TRIM9: variants seen among roughly 807,000 people sequenced by gnomAD.
The protein encoded by TRIM9 is E3 ubiquitin-protein ligase TRIM9.
TRIM9 carries 26 observed loss-of-function variants against 78.3 expected under a neutral mutation model. The ratio of observed to expected loss-of-function variants is 0.33; its 90% CI spans 0.24 to 0.46. The LOEUF is 0.46. Ranked by LOEUF, TRIM9 falls within the 20% of genes least tolerant of loss-of-function variation. The probability of loss-of-function intolerance (pLI) is 1.00; values close to 1 mark genes in which losing one functional copy is unlikely to be tolerated. For missense variants in TRIM9, 787 were observed against 1,036.4 expected (o/e 0.76, Z 3.30); for synonymous variants, 398 against 416.5 (o/e 0.96, Z 0.54).
At chr14:51,061,839 T>C (rs531120427) in intron 1 of TRIM9, among the ~76,000 whole-genome samples, 25 of 152,062 alleles carry the variant, frequency 1.6e-4, no homozygotes, top group Non-Finnish European at 1.0e-4. Flanking sequence ...ACTCTTCATC[T>C]TTGGAAAATT....
chr14:51,002,778 C>T (rs11851076), intron 5 of TRIM9, among the ~76,000 whole-genome samples: 10,500 of 152,242 alleles, frequency 0.069, 551 homozygotes, highest in East Asian at 0.15. Flanking sequence ...GGTCAATTGT[C>T]GTATACTTAA....
chr14:51,089,796 G>A (rs1328755251), intron 1 of TRIM9, among the ~76,000 whole-genome samples: 1 of 152,154 alleles, frequency 6.6e-6, no homozygotes, highest in Non-Finnish European at 1.5e-5. Flanking sequence ...GCTCTGAAAA[G>A]GATCCAGAAA....
chr14:51,055,190 T>C (rs531803696), intron 1 of TRIM9, among the ~76,000 whole-genome samples: 2 of 152,366 alleles, frequency 1.3e-5, no homozygotes, highest in South Asian at 4.1e-4. Flanking sequence ...TCATTAAATC[T>C]AAAAGCCATC....
At chr14:51,000,144 C>T (rs5003887) in intron 6 of TRIM9, among the ~76,000 whole-genome samples, 4,418 of 152,206 alleles carry the variant, frequency 0.029, 234 homozygotes, top group African/African-American at 0.1. Flanking sequence ...AAGAGGAATG[C>T]CAATCAAAGA....
At chr14:50,978,886 A>G (rs777862991) in intron 12 of TRIM9, 23 of 987,698 alleles carry the variant, frequency 2.3e-5, no homozygotes, top group Non-Finnish European at 2.8e-5. Context: ...TATAATAAAT[A>G]ATAATTGACT....
intron 11 of TRIM9, among the ~76,000 whole-genome samples, chr14:50,981,458 G>C (rs2051885453): frequency 6.6e-6 from 1 of 152,190 alleles, no homozygotes; most frequent in African/African-American, 2.4e-5. Context: ...AAAAAACGAA[G>C]TAACTTGCCC....
At chr14:51,048,539 G>A (rs1229876773) in intron 1 of TRIM9, among the ~76,000 whole-genome samples, 1 of 152,096 alleles carries the variant, frequency 6.6e-6, no homozygotes, top group Non-Finnish European at 1.5e-5. Flanking sequence ...AGGCCAATAT[G>A]ACCCAGACTC....
rs991343559 is a variant in TRIM9, at chr14:51,095,013, C to G, written c.-74G>C. The G allele has an allele frequency of 3.3e-6, 4 of 1,201,332 alleles. No individual in the cohort carries two copies. Among genetic ancestry groups the G allele is most frequent in the Non-Finnish European group, 4.4e-6 (4 of 915,762 alleles). The allele number at this position is 1,201,332 out of a possible 1,614,324, so 74.4% of individuals were successfully genotyped here. ...CTGGCGAGGTGGCCGACGGGCCCGTCTTGTCCAGCACCCTGGCCAGCGGCG... is the reference window on the plus strand; with the variant it reads ...CTGGCGAGGTGGCCGACGGGCCCGTGTTGTCCAGCACCCTGGCCAGCGGCG... On this transcript the variant is annotated 5_prime_UTR_variant, in exon 1 of 13. Coordinates refer to ENST00000684578, the MANE Select transcript of TRIM9 (RefSeq NM_001387360.1).
chr14:51,001,392 G>C (rs545630228), intron 5 of TRIM9, among the ~76,000 whole-genome samples: 7 of 152,120 alleles, frequency 4.6e-5, no homozygotes, highest in African/African-American at 1.7e-4. Context: ...ACCACGCCCG[G>C]CTAATTTTTT....
intron 1 of TRIM9, among the ~76,000 whole-genome samples, chr14:51,071,375 TAA>T (rs1175081728): frequency 2.1e-5 from 1 of 48,504 alleles, no homozygotes; most frequent in African/African-American, 8.5e-5. Context: ...AAACTCCGTC[TAA>T]AAAAAAAAAG....
chr14:51,024,664 G>A (rs1037986914), intron 2 of TRIM9, among the ~76,000 whole-genome samples: 3 of 152,150 alleles, frequency 2.0e-5, no homozygotes, highest in Non-Finnish European at 2.9e-5. Flanking sequence ...TCTAGATAAA[G>A]CAATCTGAAA....
chr14:51,066,684 A>C (rs781229456), intron 1 of TRIM9, among the ~76,000 whole-genome samples: 1 of 152,176 alleles, frequency 6.6e-6, no homozygotes, highest in Non-Finnish European at 1.5e-5. Flanking sequence ...CATTCAAAGC[A>C]CTCCAGTCTG....
chr14:51,036,625 A>C (rs1375485153), intron 1 of TRIM9, among the ~76,000 whole-genome samples: 1 of 152,252 alleles, frequency 6.6e-6, no homozygotes, highest in African/African-American at 2.4e-5. Context: ...TATTTATGGA[A>C]TAATGACAAG....
In TRIM9 at chr14:51,094,221, T is replaced by G; in HGVS notation, c.719A>C (p.Tyr240Ser). 4 of 1,614,230 alleles carry G rather than the reference T, an allele frequency of 2.5e-6. No individual in the cohort carries two copies. The highest frequency in any genetic ancestry group is 3.4e-6 in the Non-Finnish European group (4 of 1,180,030). The change falls in exon 1 of 13, where the codon TAC (tyrosine) becomes TCC (serine). Residue 240 changes from tyrosine to serine, a missense_variant. Tyr to Ser is a moderately radical substitution (Grantham distance 144). Around this residue, in one of 3 missense-constraint regions of TRIM9, gnomAD observed 352 missense variants for 472.3 expected, o/e 0.75. Coordinates refer to ENST00000684578, the MANE Select transcript of TRIM9 (RefSeq NM_001387360.1). ...TDHELENHSM[Y>S]CVQCKMPVCY... Reference sequence around the variant, plus strand: ...CACGGGCATCTTGCATTGCACGCAGTACATGCTGTGGTTCTCCAGCTCGTG... The same window carrying G: ...CACGGGCATCTTGCATTGCACGCAGGACATGCTGTGGTTCTCCAGCTCGTG...
intron 1 of TRIM9, among the ~76,000 whole-genome samples, chr14:51,032,586 G>A (rs1182404020): frequency 6.6e-6 from 1 of 152,204 alleles, no homozygotes; most frequent in Non-Finnish European, 1.5e-5. Context: ...GGCCATTGCA[G>A]GTTAGCTTCA....
At position 51,009,222 on chromosome 14, in the gene TRIM9, G is replaced by A. The variant is rs1185576328; in HGVS notation, c.1164C>T (p.Ala388=). Residue 388 remains alanine, a synonymous_variant, in exon 5 of 13, where the codon GCC becomes GCT. Transcript: ENST00000684578. ...DPSGFLQISD[A]LIRRVHLTED... ...CAGTCAGGTGCACTCTTCTTATGAG[G>A]GCGTCAGAAATCTAATCAGATAAAG... is the stretch of plus-strand genomic sequence containing the variant. 8 of 1,613,740 alleles carry A rather than the reference G, an allele frequency of 5.0e-6. No individual in the cohort carries two copies. The Admixed American group carries it at 1.2e-4, about 24-fold the overall frequency.
chr14:51,075,835 G>A lies in TRIM9; in HGVS notation c.822+18283C>T, dbSNP rs145590219. On this transcript the variant is annotated intron_variant, in intron 1 of 12. Transcript: ENST00000684578. ...CTAACCCAACTTCTGCCTTTGTTTG[G>A]TGTAAAACCCACTGAATGCAAAAAA... is the stretch of plus-strand genomic sequence containing the variant. Among the ~76,000 whole-genome samples, 335 of 152,226 alleles carry A rather than the reference G, an allele frequency of 2.2e-3. 1 individual carries two copies. The highest frequency in any genetic ancestry group is 7.3e-3 in the African/African-American group (303 of 41,532).
At chr14:51,001,482 GC>G (rs1449771415) in intron 5 of TRIM9, among the ~76,000 whole-genome samples, 1 of 152,084 alleles carries the variant, frequency 6.6e-6, no homozygotes, top group African/African-American at 2.4e-5. Context: ...GCCCGCCTCT[GC>G]CTCCCAAAGT....
rs1044632835 is a variant in TRIM9 at position 50,975,545 on chromosome 14, G to C, written c.*1746C>G. ...AACCAAGACACACATAAACAGGATA[G>C]CACCCATTCCATAAATTAGGTACAC... On this transcript the variant is annotated 3_prime_UTR_variant, in exon 13 of 13. Transcript: ENST00000684578. The C allele has an allele frequency of 1.3e-5, 2 of 152,572 alleles. No homozygotes were observed. The highest frequency in any genetic ancestry group is 2.9e-5 in the Non-Finnish European group (2 of 68,032). The allele number at this position is 152,572 out of a possible 1,614,324, so 9.5% of individuals were successfully genotyped here. A position where few individuals can be genotyped will look rare whatever the true frequency, so the allele number is the denominator to read the frequency against.
Sources: allele counts gnomAD v4.1 joint callset (sites outside exome capture counted in the v4.1 genomes callset), GRCh38; gene constraint gnomAD v4.1.1; regional missense constraint gnomAD v4.1.1; transcripts MANE v1.5; gene names NCBI Gene and HGNC (gene_info 2026-07-23, HGNC 2026-07-21).